ANK2: variants seen among roughly 807,000 people sequenced by gnomAD.
ANK2 encodes the protein ankyrin 2, also known as ankyrin-2.
A neutral mutation model predicts 360.5 loss-of-function variants in ANK2; 83 were observed. That is an observed-to-expected ratio of 0.23 (90% CI 0.19 to 0.28). The LOEUF (loss-of-function observed/expected upper bound fraction) is 0.28, where lower values mean the gene tolerates loss of function less well. ANK2 is among the 10% of genes least tolerant of loss of function. The pLI, the probability that ANK2 is intolerant of heterozygous loss-of-function variation, is 1.00. For synonymous variants in ANK2, 1,740 were observed against 1,759.5 expected (o/e 0.99, Z 0.28); for missense variants, 4,201 against 4,795.7 (o/e 0.88, Z 3.66).
intron 4 of ANK2, among the ~76,000 whole-genome samples, chr4:113,215,259 G>A (rs912677998): frequency 2.6e-5 from 4 of 152,046 alleles, no homozygotes; most frequent in African/African-American, 4.8e-5. Context: ...GTGACCTTGG[G>A]CTTATTACTT....
chr4:113,363,568 C>A, intron 40 of ANK2, 99 bp downstream of exon 40: 1 of 1,322,550 alleles, frequency 7.6e-7, no homozygotes, highest in Non-Finnish European at 1.1e-6. Context: ...AAGCAAATGC[C>A]ATTAATCTGC....
intron 2 of ANK2, among the ~76,000 whole-genome samples, chr4:113,191,466 C>A (rs752342026): frequency 6.6e-6 from 1 of 152,158 alleles, no homozygotes; most frequent in Non-Finnish European, 1.5e-5. Flanking sequence ...CCATCTACTT[C>A]CTAGGTTTTA....
At chr4:113,313,782 C>CCGGG (rs1293218688) in intron 24 of ANK2, 24 of 78,756 alleles carry the variant, frequency 3.0e-4, no homozygotes, top group African/African-American at 2.1e-3. Context: ...GTGTGTGTTG[C>CCGGG]CGGGGCGGGG....
At chr4:113,305,137 G>A (rs1387426017) in intron 23 of ANK2, among the ~76,000 whole-genome samples, 2 of 151,254 alleles carry the variant, frequency 1.3e-5, no homozygotes, top group Non-Finnish European at 2.9e-5. Flanking sequence ...TCAGGAGATC[G>A]AGACCATCCC....
intron 2 of ANK2, among the ~76,000 whole-genome samples, chr4:113,019,817 A>G (rs956344601): frequency 9.9e-5 from 15 of 151,996 alleles, no homozygotes; most frequent in Non-Finnish European, 1.8e-4. Context: ...ATCCAGAATA[A>G]TAGTGTATGT....
chr4:113,360,834 G>A lies in ANK2; in HGVS notation c.10693G>A (p.Glu3565Lys), dbSNP rs786205727. ...TTGACCTTCTCCAGATCCACAGGATGAGCAGGAACGGATCGAGGAAAGGCT... is the reference window on the plus strand; with the variant it reads ...TTGACCTTCTCCAGATCCACAGGATAAGCAGGAACGGATCGAGGAAAGGCT... ...GHDHAEDPQDEQERIEERLAY... is the reference protein window; with the variant it reads ...GHDHAEDPQDKQERIEERLAY... The change falls in exon 39 of 46, where the codon GAG (glutamate) becomes AAG (lysine). Residue 3565 changes from glutamate (E) to lysine (K), a missense_variant. Coordinates refer to ENST00000357077, the MANE Select transcript of ANK2 (RefSeq NM_001148.6). 1 of 1,612,512 alleles carries A rather than the reference G, an allele frequency of 6.2e-7. No individual in the cohort carries two copies. The highest frequency in any genetic ancestry group is 8.5e-7 in the Non-Finnish European group (1 of 1,179,260).
chr4:113,323,741 G>GT, intron 26 of ANK2: 3 of 1,609,036 alleles, frequency 1.9e-6, no homozygotes, highest in Non-Finnish European at 2.5e-6. Flanking sequence ...CTGTGCTAAA[G>GT]TATCTATTCT....
At chr4:112,742,600 T>G in the ANK2 span, among the ~76,000 whole-genome samples, 1 of 152,222 alleles carries the variant, frequency 6.6e-6, no homozygotes, top group Non-Finnish European at 1.5e-5. Flanking sequence ...TACTTTTGCT[T>G]CTTTTTAAAA....
intron 14 of ANK2, among the ~76,000 whole-genome samples, chr4:113,271,281 C>G (rs891545429): frequency 1.3e-5 from 2 of 152,182 alleles, no homozygotes; most frequent in Non-Finnish European, 2.9e-5. Flanking sequence ...CGCATTCATG[C>G]GGCCCATTTA....
intron 2 of ANK2, among the ~76,000 whole-genome samples, chr4:113,002,464 A>G (rs2051121583): frequency 6.6e-6 from 1 of 152,130 alleles, no homozygotes; most frequent in Non-Finnish European, 1.5e-5. Context: ...TCGCAAGAAC[A>G]AAAAACCAAA....
intron 2 of ANK2, among the ~76,000 whole-genome samples, chr4:113,190,048 TG>T (rs1481300727): frequency 6.6e-6 from 1 of 152,184 alleles, no homozygotes; most frequent in African/African-American, 2.4e-5. Context: ...ACTTGTCATC[TG>T]ATCTTAGAAA....
chr4:112,893,998 A>G (rs1273929915), intron 1 of ANK2, among the ~76,000 whole-genome samples: 1 of 152,190 alleles, frequency 6.6e-6, no homozygotes, highest in Non-Finnish European at 1.5e-5. Context: ...CTCCGTTTCA[A>G]AAAACAAAAC....
intron 2 of ANK2, among the ~76,000 whole-genome samples, chr4:112,915,475 G>T (rs575191195): frequency 2.0e-4 from 30 of 152,202 alleles, no homozygotes; most frequent in African/African-American, 6.7e-4. Flanking sequence ...ATTTGGCCAG[G>T]TGCAGTGGCT....
intron 1 of ANK2, among the ~76,000 whole-genome samples, chr4:113,072,742 ATTTTTTT>A (rs34098456): frequency 2.7e-4 from 20 of 74,248 alleles, no homozygotes; most frequent in Admixed American, 8.1e-4. Context: ...ACTTGGCATA[ATTTTTTT>A]TTTTTTTTTT....
At chr4:113,083,100 A>G (rs1320342783) in intron 1 of ANK2, among the ~76,000 whole-genome samples, 1 of 151,828 alleles carries the variant, frequency 6.6e-6, no homozygotes, top group African/African-American at 2.4e-5. Context: ...TATTATTATT[A>G]TACTTTAAGT....
chr4:112,914,230 G>T (rs2088854385), intron 2 of ANK2, among the ~76,000 whole-genome samples: 1 of 152,110 alleles, frequency 6.6e-6, no homozygotes, highest in African/African-American at 2.4e-5. Context: ...TTTATATAAA[G>T]ATAATAATGA....
intron 2 of ANK2, among the ~76,000 whole-genome samples, chr4:113,006,004 C>T (rs911021218): frequency 6.6e-6 from 1 of 152,124 alleles, no homozygotes; most frequent in African/African-American, 2.4e-5. Context: ...CCATGCCTTG[C>T]GTACAGCCTG....
At chr4:112,747,425 T>G in the ANK2 span, among the ~76,000 whole-genome samples, 3 of 152,178 alleles carry the variant, frequency 2.0e-5, no homozygotes, top group Non-Finnish European at 4.4e-5. Flanking sequence ...AAAATGATAA[T>G]GTACAAGAAT....
intron 1 of ANK2, chr4:113,117,540 T>G: frequency 2.6e-6 from 1 of 391,160 alleles, no homozygotes; most frequent in Admixed American, 2.9e-5. Flanking sequence ...CTAAGCTCAG[T>G]TTGCAGCCTA....
Sources: allele counts gnomAD v4.1 joint callset (sites outside exome capture counted in the v4.1 genomes callset), GRCh38; gene constraint gnomAD v4.1.1; transcripts MANE v1.5; gene names NCBI Gene and HGNC (gene_info 2026-07-23, HGNC 2026-07-21).